Variants in GAB4 observed in about 807,000 individuals in gnomAD.
GAB4 encodes the protein GRB2 associated binding protein family member 4.
GAB4 carries 26 observed loss-of-function variants against 51.3 expected under a neutral mutation model. The ratio of observed to expected loss-of-function variants is 0.51; its 90% CI spans 0.37 to 0.70. The LOEUF (loss-of-function observed/expected upper bound fraction) is 0.70. GAB4 is among the 30% of genes least tolerant of loss of function. The probability of loss-of-function intolerance (pLI) is 0.00; values close to 1 mark genes in which losing one functional copy is unlikely to be tolerated. For synonymous variants in GAB4, 329 were observed against 291.2 expected (o/e 1.13, Z -1.32); for missense variants, 759 against 734.6 (o/e 1.03, Z -0.38).
intron 1 of GAB4, among the ~76,000 whole-genome samples, chr22:17,005,612 T>A (rs1326668127): frequency 6.6e-6 from 1 of 152,146 alleles, no homozygotes; most frequent in African/African-American, 2.4e-5. Flanking sequence ...TACTACAAGG[T>A]TACAGTAACC....
At chr22:16,968,246 G>T in intron 5 of GAB4, 52 bp downstream of exon 5, 1 of 1,243,726 alleles carries the variant, frequency 8.0e-7, no homozygotes, top group Non-Finnish European at 1.2e-6. Flanking sequence ...CATGGAGTGT[G>T]ACCTTTACCT....
chr22:16,965,968 G>A, intron 6 of GAB4, 132 bp downstream of exon 6: 1 of 822,088 alleles, frequency 1.2e-6, no homozygotes, highest in Non-Finnish European at 2.0e-6. Context: ...ATTTCACAGA[G>A]GAGAAAACTG....
At position 16,962,857 on chromosome 22, in the gene GAB4, G is replaced by A. The variant is rs770318451; in HGVS notation, c.1601C>T (p.Thr534Met). Residue 534 changes from threonine (T) to methionine (M), a missense_variant, in exon 10 of 10, where the codon ACG becomes ATG. This residue lies in a region of GAB4 where 588 missense variants were observed against 510.2 expected (regional missense o/e 1.15). Coordinates refer to ENST00000400588, the MANE Select transcript of GAB4 (RefSeq NM_001037814.1). ...QPSKPSIGSV[T>M]SGKKVDYVQV... The stretch of plus-strand genomic sequence containing the variant: ...GACATAGTCCACCTTCTTGCCGGAC[G>A]TGACAGAGCCTATGGATGGCTGAGG... 2.0e-5 allele frequency: 32 copies of A among 1,613,024 alleles called. No individual in the cohort carries two copies. In the East Asian group the frequency reaches 2.0e-4, roughly 10 times the overall value.
At position 16,969,989 on chromosome 22, in the gene GAB4, A is replaced by G. The variant is rs1186938244; in HGVS notation, c.891T>C (p.His297=). 1 of 1,614,036 alleles carries G rather than the reference A, an allele frequency of 6.2e-7. No individual in the cohort carries two copies. Among genetic ancestry groups the G allele is most frequent in the South Asian group, 1.1e-5 (1 of 91,094 alleles). The change falls in exon 4 of 10, where the codon CAT becomes CAC. Residue 297 remains histidine (H), a synonymous_variant. Coordinates refer to ENST00000400588, the MANE Select transcript of GAB4 (RefSeq NM_001037814.1). ...CTGTGAGGCTGCCTCTGGTGTGGCC[A>G]TGGGAGGCCAGGCTCCAGGGGATTC... ...THRIPWSLAS[H]GHTRGSLTGS...
chr22:16,991,900 A>C lies in GAB4; in HGVS notation c.451T>G (p.Cys151Gly), dbSNP rs777027256. The change falls in exon 2 of 10, where the codon TGT becomes GGT. Residue 151 changes from cysteine to glycine, a missense_variant. Cys to Gly is a radical substitution (Grantham distance 159). Around this residue, in one of 3 missense-constraint regions of GAB4, gnomAD observed 88 missense variants for 151.3 expected, o/e 0.58. Coordinates refer to ENST00000400588, the MANE Select transcript of GAB4 (RefSeq NM_001037814.1). ...NEWVQSICQI[C>G]GFRQEESTGF... ...GTGCTTTCCTCCTGCCTGAAGCCAC[A>C]GATCTGACAGATGCTCTGGACCCAC... is the stretch of plus-strand genomic sequence containing the variant. 6.2e-7 allele frequency: 1 copy of C among 1,613,906 alleles called. No individual in the cohort carries two copies. Among genetic ancestry groups the C allele is most frequent in the Non-Finnish European group, 8.5e-7 (1 of 1,179,954 alleles).
intron 1 of GAB4, 80 bp from the exon 2 acceptor site, chr22:16,992,256 A>C: frequency 3.9e-6 from 5 of 1,287,348 alleles, no homozygotes; most frequent in South Asian, 1.4e-5. Flanking sequence ...CACTAAGTTA[A>C]GGATGGGACT....
chr22:17,006,976 G>T (rs1311059107), intron 1 of GAB4, among the ~76,000 whole-genome samples: 1 of 152,078 alleles, frequency 6.6e-6, no homozygotes, highest in Non-Finnish European at 1.5e-5. Context: ...TCCACGTTCT[G>T]CACATGTATC....
intron 1 of GAB4, among the ~76,000 whole-genome samples, chr22:16,996,736 T>C (rs1371909187): frequency 6.6e-6 from 1 of 152,088 alleles, no homozygotes; most frequent in East Asian, 1.9e-4. Flanking sequence ...TATGTAAACA[T>C]GTGCCATGTT....
At chr22:17,003,166 C>T (rs2061011495) in intron 1 of GAB4, among the ~76,000 whole-genome samples, 1 of 152,182 alleles carries the variant, frequency 6.6e-6, no homozygotes, top group South Asian at 2.1e-4. Flanking sequence ...GACAGGGGCA[C>T]CCAGATTCAT....
At chr22:17,004,809 G>A (rs1414186150) in intron 1 of GAB4, among the ~76,000 whole-genome samples, 6 of 151,980 alleles carry the variant, frequency 3.9e-5, no homozygotes, top group African/African-American at 7.2e-5. Context: ...ACACCCCTTC[G>A]TGCTAAAAAC....
intron 5 of GAB4, chr22:16,967,475 C>G (rs1338221105): frequency 3.9e-5 from 6 of 152,346 alleles, no homozygotes; most frequent in Admixed American, 3.9e-4. Flanking sequence ...CATCAGATGT[C>G]TTGGCCCTGG....
chr22:16,968,217 G>A, intron 5 of GAB4, 81 bp downstream of exon 5: 2 of 967,126 alleles, frequency 2.1e-6, no homozygotes, highest in African/African-American at 1.6e-5. Flanking sequence ...TCACCCTTTG[G>A]GGGATGTGCT....
At chr22:17,007,916 G>C in intron 1 of GAB4, 25 bp downstream of exon 1, 1 of 1,464,316 alleles carries the variant, frequency 6.8e-7, no homozygotes, top group Non-Finnish European at 9.0e-7. Flanking sequence ...GGCGCTCCTG[G>C]TACCGCCCCC....
At chr22:16,964,960 G>C (rs958380212) in intron 7 of GAB4, 98 bp from the exon 8 acceptor site, 2 of 897,422 alleles carry the variant, frequency 2.2e-6, no homozygotes, top group African/African-American at 3.4e-5. Context: ...AAGCATCCAG[G>C]CCTCACACTG....
intron 3 of GAB4, among the ~76,000 whole-genome samples, chr22:16,971,509 A>G (rs1379380623): frequency 6.6e-6 from 1 of 152,226 alleles, no homozygotes; most frequent in East Asian, 1.9e-4. Context: ...CTTCTTCCCT[A>G]TCTTTTATAT....
chr22:16,993,989 G>A (rs1260161943), intron 1 of GAB4, among the ~76,000 whole-genome samples: 1 of 151,924 alleles, frequency 6.6e-6, no homozygotes, highest in Admixed American at 6.6e-5. Context: ...GCTCACAAAC[G>A]GACATCACTT....
In GAB4 at chr22:16,988,078, G is replaced by A. The variant is rs1196516899; in HGVS notation, c.568C>T (p.Gln190Ter). ...SCSHQHLPQE[Q>*]EPTSEPPVSH... The stretch of plus-strand genomic sequence containing the variant: ...ACCGGGGGCTCAGATGTGGGTTCTT[G>A]TTCTTGGGGGAGGTGCTGATGGGAG... Residue 190 changes from glutamine (Q) to a stop codon, truncating the protein, a stop_gained, in exon 3 of 10, where the codon CAA becomes TAA. Coordinates refer to ENST00000400588, the MANE Select transcript of GAB4 (RefSeq NM_001037814.1). LOFTEE classifies it high-confidence loss of function. 3.1e-6 allele frequency: 5 copies of A among 1,608,960 alleles called. No homozygotes were observed. In the Admixed American group the frequency reaches 8.4e-5, roughly 27 times the overall value.
chr22:16,963,719 A>G lies in GAB4; in HGVS notation c.1581+6T>C. The G allele has an allele frequency of 6.2e-7, 1 of 1,609,868 alleles. No homozygotes were observed. Among genetic ancestry groups the G allele is most frequent in the Non-Finnish European group, 8.5e-7 (1 of 1,177,362 alleles). ...CTCTGCCCAACCCCAGCTCCACCCCAGGCACCTTGCTCGGCTGGAAGTCCA... is the reference window on the plus strand; with the variant it reads ...CTCTGCCCAACCCCAGCTCCACCCCGGGCACCTTGCTCGGCTGGAAGTCCA... On this transcript the variant is annotated splice_donor_region_variant and intron_variant, in intron 9 of 9. Coordinates refer to ENST00000400588, the MANE Select transcript of GAB4 (RefSeq NM_001037814.1).
At chr22:16,999,555 A>C (rs574632079) in intron 1 of GAB4, among the ~76,000 whole-genome samples, 2 of 151,808 alleles carry the variant, frequency 1.3e-5, no homozygotes, top group African/African-American at 4.8e-5. Flanking sequence ...GTCTTGCTAG[A>C]GGTCTTTCAA....
Sources: gnomAD v4.1 joint callset for allele counts (sites outside exome capture counted in the v4.1 genomes callset) on GRCh38, gnomAD v4.1.1 for gene constraint, gnomAD v4.1.1 regional missense constraint, MANE v1.5 for transcripts, NCBI Gene and HGNC (gene_info 2026-07-23, HGNC 2026-07-21) for gene names.